The following SP7 variants were observed in gnomAD, a reference collection of about 807,000 sequenced individuals.
SP7 encodes transcription factor Sp7.
A neutral mutation model predicts 27.9 loss-of-function variants in SP7; 13 were observed. The ratio of observed to expected loss-of-function variants is 0.47; its 90% CI spans 0.30 to 0.74. The LOEUF is 0.74. SP7 is among the 30% of genes least tolerant of loss of function. The pLI, the probability that SP7 is intolerant of heterozygous loss-of-function variation, is 0.06. For missense variants in SP7, 525 were observed against 558.0 expected, an observed-to-expected ratio of 0.94 and a Z score of 0.60; for synonymous variants, 219 against 226.7, an observed-to-expected ratio of 0.97 and a Z score of 0.31.
intron 2 of SP7, among the ~76,000 whole-genome samples, chr12:53,332,354 G>A (rs1944715093): frequency 6.6e-6 from 1 of 152,146 alleles, no homozygotes. Flanking sequence ...AGTGGGGGAG[G>A]GTTGCTTGAG....
chr12:53,333,711 C>T (rs1944732786), intron 2 of SP7, among the ~76,000 whole-genome samples: 1 of 49,576 alleles, frequency 2.0e-5, no homozygotes, highest in Non-Finnish European at 4.6e-5. Flanking sequence ...GGTGAGCCCC[C>T]CATCAAGCAG....
Position 53,327,998 on chromosome 12 carries a change from C to G in SP7, c.*148G>C, listed in dbSNP as rs796785402. 2.5e-5 allele frequency: 20 copies of G among 786,394 alleles called. No individual in the cohort carries two copies. Among genetic ancestry groups the G allele is most frequent in the Non-Finnish European group, 3.9e-5 (20 of 509,816 alleles). 48.7% of individuals were successfully genotyped at this position (786,394 alleles called of 1,614,324 possible). A position where few individuals can be genotyped will look rare whatever the true frequency, so the allele number is the denominator to read the frequency against. On this transcript the variant is annotated 3_prime_UTR_variant, in exon 3 of 3. Transcript: ENST00000536324. ...CTGAGGAGGCATGCAAGGAGATACCCAAGCCCAGAATGGCCAGGAGGGAGA... is the reference window on the plus strand; with the variant it reads ...CTGAGGAGGCATGCAAGGAGATACCGAAGCCCAGAATGGCCAGGAGGGAGA...
chr12:53,343,386 A>G (rs1279185176), intron 1 of SP7, among the ~76,000 whole-genome samples: 1 of 152,210 alleles, frequency 6.6e-6, no homozygotes, highest in Non-Finnish European at 1.5e-5. Context: ...GAATACTCGT[A>G]TATTAGAGAA....
intron 2 of SP7, among the ~76,000 whole-genome samples, chr12:53,333,103 G>A (rs1944725125): frequency 1.3e-5 from 2 of 152,292 alleles, no homozygotes; most frequent in East Asian, 1.9e-4. Context: ...AATGGGGAGC[G>A]AGGAACCAGA....
chr12:53,329,240 A>G lies in SP7; in HGVS notation c.202T>C (p.Phe68Leu), dbSNP rs1233589459. 4.3e-6 allele frequency: 7 copies of G among 1,613,680 alleles called. No homozygotes were observed. In the African/African-American group the frequency reaches 6.7e-5, roughly 15 times the overall value. ...KTMGDAYPAP[F>L]TSTNGLLSPA... is the part of the protein sequence containing the mutation. ...GAAAGGAGCCCATTAGTGCTTGTAA[A>G]GGGGGCTGGATAAGCATCCCCCATG... The change falls in exon 3 of 3, where the codon TTT becomes CTT. Residue 68 changes from phenylalanine (F) to leucine (L), a missense_variant. By Grantham distance (22) the Phe-to-Leu change is conservative (BLOSUM62 0). Coordinates refer to ENST00000536324, the MANE Select transcript of SP7 (RefSeq NM_001173467.3).
chr12:53,335,699 C>T lies in SP7; in HGVS notation c.-47-6G>A. 9.9e-6 allele frequency: 2 copies of T among 201,802 alleles called. No individual in the cohort carries two copies. The highest frequency in any genetic ancestry group is 1.4e-5 in the Non-Finnish European group (2 of 139,156). 12.5% of individuals were successfully genotyped at this position (201,802 alleles called of 1,614,324 possible). A position where few individuals can be genotyped will look rare whatever the true frequency, so the allele number is the denominator to read the frequency against. ...AGCCAGGCAGATGGAGAGAGCTGAGCCGGGGGGTGGGGGGGGTAGAGAGAG... is the reference window on the plus strand; with the variant it reads ...AGCCAGGCAGATGGAGAGAGCTGAGTCGGGGGGTGGGGGGGGTAGAGAGAG... On this transcript the variant is annotated splice_region_variant and splice_polypyrimidine_tract_variant and intron_variant, in intron 1 of 2. Transcript: ENST00000536324.
At chr12:53,343,133 A>G in intron 1 of SP7, among the ~76,000 whole-genome samples, 1 of 151,684 alleles carries the variant, frequency 6.6e-6, no homozygotes, top group East Asian at 1.9e-4. Context: ...CCATCTCTAC[A>G]AAAAATACAA....
intron 2 of SP7, among the ~76,000 whole-genome samples, chr12:53,333,450 A>C (rs575278539): frequency 6.6e-6 from 1 of 152,096 alleles, no homozygotes; most frequent in African/African-American, 2.4e-5. Context: ...GGAGCAGGGG[A>C]GGGGGATCCC....
chr12:53,339,608 C>T (rs1944804468), upstream of SP7, among the ~76,000 whole-genome samples: 1 of 151,862 alleles, frequency 6.6e-6, no homozygotes, highest in Non-Finnish European at 1.5e-5. Flanking sequence ...GCCTGTAATC[C>T]CAGCTACTTG....
At chr12:53,330,083 CT>C (rs1446807794) in intron 2 of SP7, among the ~76,000 whole-genome samples, 1 of 151,790 alleles carries the variant, frequency 6.6e-6, no homozygotes, top group Non-Finnish European at 1.5e-5. Context: ...AAGTCTTGTT[CT>C]GTCACCCAGG....
chr12:53,328,189 G>T lies in SP7; in HGVS notation c.1253C>A (p.Ala418Asp), dbSNP rs777225684. Reference protein sequence around the residue: ...PSASPATPEKAPGGSPEQSNL... With the variant: ...PSASPATPEKDPGGSPEQSNL... ...GCTCTGCTCAGGGCTGCCTCCAGGG[G>T]CTTTCTCTGGGGTTGCTGGCGAGGC... is the stretch of plus-strand genomic sequence containing the variant. The change falls in exon 3 of 3, where the codon GCC (alanine) becomes GAC (aspartate). Residue 418 changes from alanine (A) to aspartate (D), a missense_variant. Transcript: ENST00000536324. The surrounding 1 kb of genome is among the most constrained non-coding windows in gnomAD (Gnocchi z 5.1). The T allele has an allele frequency of 1.2e-6, 2 of 1,613,094 alleles. No homozygotes were observed. The highest frequency in any genetic ancestry group is 1.7e-5 in the Admixed American group (1 of 59,928).
In SP7 at chr12:53,328,303, C is replaced by G. The variant is rs766661882; in HGVS notation, c.1139G>C (p.Gly380Ala). The stretch of plus-strand genomic sequence containing the variant: ...GGGGCCACTGGGAGGGGGACCCGGG[C>G]CTGGTTCTCCATGGGTGCGCTGGTG... ...SKHQRTHGEPGPGPPPSGPKE... is the reference protein window; with the variant it reads ...SKHQRTHGEPAPGPPPSGPKE... Residue 380 changes from glycine to alanine, a missense_variant, in exon 3 of 3, where the codon GGC becomes GCC. Transcript: ENST00000536324. The surrounding 1 kb of genome is among the most constrained non-coding windows in gnomAD (Gnocchi z 5.1). 7 of 1,610,496 alleles carry G rather than the reference C, an allele frequency of 4.3e-6. No individual in the cohort carries two copies. Among genetic ancestry groups the G allele is most frequent in the Middle Eastern group, 1.7e-4 (1 of 6,032 alleles).
At chr12:53,342,204 A>G (rs544172100) in intron 1 of SP7, among the ~76,000 whole-genome samples, 1 of 152,216 alleles carries the variant, frequency 6.6e-6, no homozygotes, top group Admixed American at 6.5e-5. Context: ...CAGAGATTGC[A>G]GTGAGCCGAG....
Position 53,328,408 on chromosome 12 carries a change from A to T in SP7, c.1034T>A (p.Val345Glu), listed in dbSNP as rs375634934. The change falls in exon 3 of 3, where the codon GTG (valine) becomes GAG (glutamate). Residue 345 changes from valine (V) to glutamate (E), a missense_variant. By Grantham distance (121) the Val-to-Glu change is moderately radical (BLOSUM62 -2). Coordinates refer to ENST00000536324, the MANE Select transcript of SP7 (RefSeq NM_001173467.3). This position sits in a 1 kb window ranked among gnomAD's most constrained non-coding sequence, Gnocchi z 5.1. ...CTTCTTCTCCCGGGTGTGAGTGCGC[A>T]CATGACGCTCCAGCTCATCCGAACG... ...FTRSDELERH[V>E]RTHTREKKFT... 2 of 1,613,962 alleles carry T rather than the reference A, an allele frequency of 1.2e-6. No individual in the cohort carries two copies. Among genetic ancestry groups the T allele is most frequent in the Non-Finnish European group, 1.7e-6 (2 of 1,179,850 alleles).
intron 2 of SP7, among the ~76,000 whole-genome samples, chr12:53,332,082 C>A (rs1358865455): frequency 6.6e-6 from 1 of 152,142 alleles, no homozygotes; most frequent in South Asian, 2.1e-4. Context: ...CAGGGTTTCC[C>A]GGGAACCCCT....
chr12:53,341,065 T>C (rs980619260), upstream of SP7, among the ~76,000 whole-genome samples: 1 of 152,190 alleles, frequency 6.6e-6, no homozygotes, highest in African/African-American at 2.4e-5. Context: ...AGGAAGCTTT[T>C]AAGAGGCTGG....
rs557389068 is a variant in SP7 at position 53,332,505 on chromosome 12, T to C, written c.22-3085A>G. Among the ~76,000 whole-genome samples the C allele has an allele frequency of 2.0e-5, 3 of 152,002 alleles. No individual in the cohort carries two copies. In the South Asian group the frequency reaches 6.2e-4, roughly 32 times the overall value. ...AGATGGGAAGCTCACTTGAGCTAAG[T>C]AGTTAGAGGCTGCAGTGAGCTATGA... On this transcript the variant is annotated intron_variant, in intron 2 of 2. Coordinates refer to ENST00000536324, the MANE Select transcript of SP7 (RefSeq NM_001173467.3).
upstream of SP7, among the ~76,000 whole-genome samples, chr12:53,338,779 C>A (rs553996863): frequency 6.6e-6 from 1 of 152,324 alleles, no homozygotes; most frequent in Middle Eastern, 3.4e-3. Context: ...GGACACAGAG[C>A]CTCTTCCCCA....
chr12:53,341,194 C>G (rs921538973), upstream of SP7, among the ~76,000 whole-genome samples: 2 of 152,242 alleles, frequency 1.3e-5, no homozygotes, highest in African/African-American at 4.8e-5. Context: ...TCCCCATCCC[C>G]TCTTCCAGCA....
Sources: allele counts gnomAD v4.1 joint callset (sites outside exome capture counted in the v4.1 genomes callset), GRCh38; gene constraint gnomAD v4.1.1; non-coding constraint Gnocchi (gnomAD v3.1); transcripts MANE v1.5; gene names NCBI Gene and HGNC (gene_info 2026-07-23, HGNC 2026-07-21).